Variants in LYRM4 observed in about 807,000 individuals in gnomAD.
The protein encoded by LYRM4 is LYR motif containing 4, also known as LYR motif-containing protein 4.
LYRM4 carries 9 observed loss-of-function variants against 11.7 expected under a neutral mutation model. That is an observed-to-expected ratio of 0.77 (90% CI 0.46 to 1.34). The LOEUF (loss-of-function observed/expected upper bound fraction) is 1.34, where lower values mean the gene tolerates loss of function less well. Ranked by LOEUF, LYRM4 falls within the 40% of genes most tolerant of loss-of-function variation. The probability of loss-of-function intolerance (pLI) is 0.00; values close to 1 mark genes in which losing one functional copy is unlikely to be tolerated. For missense variants in LYRM4, 133 were observed against 112.5 expected, an observed-to-expected ratio of 1.18 and a Z score of -0.82; for synonymous variants, 42 against 40.4, an observed-to-expected ratio of 1.04 and a Z score of -0.15.
chr6:5,099,584 A>G (rs1215715202), downstream of LYRM4, among the ~76,000 whole-genome samples: 4 of 152,062 alleles, frequency 2.6e-5, no homozygotes, highest in African/African-American at 9.7e-5. The surrounding 1 kb of genome is among the most constrained non-coding windows in gnomAD (Gnocchi z 4.3). Context: ...TCAGGATGAC[A>G]TTCTGTCTCT....
Position 5,108,691 on chromosome 6 carries a change from C to T in LYRM4, c.*732G>A, listed in dbSNP as rs1053955973. The T allele has an allele frequency of 3.5e-5, 27 of 777,312 alleles. No individual in the cohort carries two copies. Among genetic ancestry groups the T allele is most frequent in the African/African-American group, 2.8e-4 (15 of 53,010 alleles). 48.2% of individuals were successfully genotyped at this position (777,312 alleles called of 1,614,324 possible). ...GCCCCAGGCTTCAGGGTATGGGAGT[C>T]GCCCTGGGCTTGGGTCAGGCTGGGG... On this transcript the variant is annotated 3_prime_UTR_variant, in exon 3 of 3. Coordinates refer to ENST00000330636, the MANE Select transcript of LYRM4 (RefSeq NM_020408.6).
the LYRM4 span, among the ~76,000 whole-genome samples, chr6:5,078,103 TAAGTA>T: frequency 1.3e-5 from 2 of 152,282 alleles, no homozygotes; most frequent in South Asian, 4.1e-4. Flanking sequence ...CAAGTAAACA[TAAGTA>T]AAGCACATTG....
At chr6:5,087,661 G>A in the LYRM4 span, 2 of 152,368 alleles carry the variant, frequency 1.3e-5, no homozygotes, top group East Asian at 3.8e-4. Context: ...CAGAGCCACA[G>A]TGGGGAGTGG....
rs190602104 is a variant in LYRM4 at position 5,166,387 on chromosome 6, C to T, written c.207+50231G>A. On this transcript the variant is annotated intron_variant, in intron 2 of 2. Coordinates refer to ENST00000330636, the MANE Select transcript of LYRM4 (RefSeq NM_020408.6). ...ACAATCATTTTAGAAAGCCCTGTCA[C>T]GTGATACTCCAGCCCACTGTTTAAG... Among the ~76,000 whole-genome samples the T allele has an allele frequency of 7.2e-5, 11 of 152,348 alleles. No individual in the cohort carries two copies. In the East Asian group the frequency reaches 9.6e-4, roughly 13 times the overall value.
intron 1 of LYRM4, among the ~76,000 whole-genome samples, chr6:5,247,133 AGGGTCTGCTCT>A (rs1275956699): frequency 2.0e-5 from 3 of 152,174 alleles, no homozygotes; most frequent in Non-Finnish European, 4.4e-5. Flanking sequence ...GTGCCTGATC[AGGGTCTGCTCT>A]GGTTTGGTTA....
chr6:5,243,037 T>C (rs1242257028), intron 1 of LYRM4, among the ~76,000 whole-genome samples: 1 of 151,774 alleles, frequency 6.6e-6, no homozygotes, highest in Non-Finnish European at 1.5e-5. Context: ...CCTCCCAAAG[T>C]GCTGGGATTA....
At chr6:5,220,607 T>C (rs2127728633) in intron 1 of LYRM4, among the ~76,000 whole-genome samples, 1 of 152,310 alleles carries the variant, frequency 6.6e-6, no homozygotes, top group East Asian at 1.9e-4. Context: ...TTCTAGCATG[T>C]CCCCATATTC....
chr6:5,198,158 A>G (rs1316449747), intron 2 of LYRM4, among the ~76,000 whole-genome samples: 1 of 152,206 alleles, frequency 6.6e-6, no homozygotes, highest in Non-Finnish European at 1.5e-5. Flanking sequence ...AGATTGCACC[A>G]CTGCACTCCA....
intron 2 of LYRM4, among the ~76,000 whole-genome samples, chr6:5,185,109 T>C (rs1037854446): frequency 6.6e-6 from 1 of 152,230 alleles, no homozygotes; most frequent in South Asian, 2.1e-4. Context: ...AATACGCTCC[T>C]ACCTAGCTCC....
At chr6:5,042,041 T>A in the LYRM4 span, among the ~76,000 whole-genome samples, 1 of 152,222 alleles carries the variant, frequency 6.6e-6, no homozygotes, top group Non-Finnish European at 1.5e-5. Context: ...AAAGCCTGAG[T>A]ACTGATCTAA....
intron 2 of LYRM4, among the ~76,000 whole-genome samples, chr6:5,113,621 C>A (rs1462391995): frequency 6.6e-6 from 1 of 152,184 alleles, no homozygotes; most frequent in African/African-American, 2.4e-5. Context: ...AAAAATCAAT[C>A]CATATAGACA....
chr6:5,236,784 A>T (rs558915557), intron 1 of LYRM4, among the ~76,000 whole-genome samples: 12 of 140,096 alleles, frequency 8.6e-5, no homozygotes, highest in Non-Finnish European at 1.8e-4. Flanking sequence ...CCTGTCTCTA[A>T]AAAAAAAAAA....
At chr6:5,209,758 T>C (rs1447507046) in intron 2 of LYRM4, among the ~76,000 whole-genome samples, 4 of 152,216 alleles carry the variant, frequency 2.6e-5, no homozygotes, top group African/African-American at 9.7e-5. Context: ...CGACACAGTG[T>C]GTGTTACTTA....
At chr6:5,059,699 C>A in the LYRM4 span, among the ~76,000 whole-genome samples, 3 of 152,202 alleles carry the variant, frequency 2.0e-5, no homozygotes, top group African/African-American at 7.2e-5. Context: ...TTCCTCATCT[C>A]CCTTTCCCTA....
chr6:5,073,098 G>C, the LYRM4 span, among the ~76,000 whole-genome samples: 1 of 152,078 alleles, frequency 6.6e-6, no homozygotes, highest in African/African-American at 2.4e-5. Context: ...TATAGGGGCC[G>C]GACATGGTGG....
intron 2 of LYRM4, among the ~76,000 whole-genome samples, chr6:5,112,076 G>A (rs1233112286): frequency 2.0e-5 from 3 of 152,180 alleles, no homozygotes; most frequent in Non-Finnish European, 2.9e-5. Context: ...GTAGCAGGAG[G>A]GGTGACTGGC....
chr6:5,063,452 C>T, the LYRM4 span, among the ~76,000 whole-genome samples: 1 of 152,138 alleles, frequency 6.6e-6, no homozygotes, highest in African/African-American at 2.4e-5. Flanking sequence ...CAGGCCTATC[C>T]TCCTGGTCTC....
chr6:5,108,431 A>G lies in LYRM4; in HGVS notation c.*992T>C. The stretch of plus-strand genomic sequence containing the variant: ...CTGTTTCCAAGAATAAAAGCATACA[A>G]ACAATATCTTTATTACCTGTAATAT... On this transcript the variant is annotated 3_prime_UTR_variant, in exon 3 of 3. Coordinates refer to ENST00000330636, the MANE Select transcript of LYRM4 (RefSeq NM_020408.6). The G allele has an allele frequency of 1.0e-6, 1 of 976,984 alleles. No homozygotes were observed. Among genetic ancestry groups the G allele is most frequent in the Non-Finnish European group, 1.2e-6 (1 of 822,124 alleles). The allele number at this position is 976,984 out of a possible 1,614,324, so 60.5% of individuals were successfully genotyped here.
chr6:5,055,675 C>T, the LYRM4 span, among the ~76,000 whole-genome samples: 2 of 152,172 alleles, frequency 1.3e-5, no homozygotes, highest in African/African-American at 4.8e-5. This position sits in a 1 kb window ranked among gnomAD's most constrained non-coding sequence, Gnocchi z 4.5. Flanking sequence ...ACTCTACCCT[C>T]CACCCCTAAA....
Sources: gnomAD v4.1 joint callset for allele counts (sites outside exome capture counted in the v4.1 genomes callset) on GRCh38, gnomAD v4.1.1 for gene constraint, Gnocchi (gnomAD v3.1) non-coding constraint, MANE v1.5 for transcripts, NCBI Gene and HGNC (gene_info 2026-07-23, HGNC 2026-07-21) for gene names.